The following MFGE8 variants were observed in gnomAD, a reference collection of about 807,000 sequenced individuals.
MFGE8 encodes lactadherin.
MFGE8 carries 34 observed loss-of-function variants against 42.6 expected under a neutral mutation model. The ratio of observed to expected loss-of-function variants is 0.80; its 90% CI spans 0.61 to 1.06. MFGE8 has a LOEUF of 1.06. Among genes scored for constraint, MFGE8 ranks in the 50% least tolerant of loss-of-function variants. MFGE8 has a pLI of 0.00. For synonymous variants in MFGE8, 230 were observed against 214.8 expected (o/e 1.07, Z -0.62); for missense variants, 510 against 516.9 (o/e 0.99, Z 0.13).
Position 88,913,292 on chromosome 15 carries a change from GCGCGGCCA to G in MFGE8, c.20_27del (p.Leu7ProfsTer50). ...GGGGCGCAGAGCAGCGCGCCGCACA[GCGCGGCCA>G]GCAGGCGGGGGCGCGGCATGCTGCG... On this transcript the variant is annotated frameshift_variant, in exon 1 of 8. Coordinates refer to ENST00000268150, the MANE Select transcript of MFGE8 (RefSeq NM_005928.4). LOFTEE classifies it high-confidence loss of function. The G allele has an allele frequency of 6.8e-7, 1 of 1,477,460 alleles. No individual in the cohort carries two copies. The allele number at this position is 1,477,460 out of a possible 1,614,324, so 91.5% of individuals were successfully genotyped here.
rs2141711536 is a variant in MFGE8, at chr15:88,906,669, C to T, written c.497G>A (p.Gly166Glu). 1.2e-6 allele frequency: 2 copies of T among 1,614,010 alleles called. No homozygotes were observed. The highest frequency in any genetic ancestry group is 2.2e-5 in the East Asian group (1 of 44,876). ...KAFKVAYSLN[G>E]HEFDFIHDVN... Reference sequence around the variant, plus strand: ...ATCATGGATGAAATCGAATTCGTGTCCATTAAGGCTGTAGGCCACCTTGAA... The same window carrying T: ...ATCATGGATGAAATCGAATTCGTGTTCATTAAGGCTGTAGGCCACCTTGAA... Residue 166 changes from glycine to glutamate, a missense_variant, in exon 4 of 8, where the codon GGA (glycine) becomes GAA (glutamate). Coordinates refer to ENST00000268150, the MANE Select transcript of MFGE8 (RefSeq NM_005928.4). The surrounding 1 kb of genome is among the most constrained non-coding windows in gnomAD (Gnocchi z 4.2).
intron 1 of MFGE8, chr15:88,910,260 G>T (rs1290747093): frequency 8.3e-6 from 3 of 362,098 alleles, no homozygotes; most frequent in South Asian, 4.4e-5. Flanking sequence ...GGCAGGCAAG[G>T]TCCAGGGCAG....
intron 6 of MFGE8, among the ~76,000 whole-genome samples, chr15:88,901,005 A>ACACACACACACATT (rs1898340196): frequency 4.3e-5 from 2 of 45,992 alleles, no homozygotes; most frequent in Non-Finnish European, 9.9e-5. Flanking sequence ...ACACACATTC[A>ACACACACACACATT]CACACACACA....
intron 1 of MFGE8, 92 bp downstream of exon 1, chr15:88,913,155 T>G: frequency 6.9e-7 from 1 of 1,445,604 alleles, no homozygotes; most frequent in African/African-American, 1.5e-5. Flanking sequence ...TCTAAGTTTG[T>G]CAACAGTGGA....
At chr15:88,901,517 A>AAACCACCAAAGCTGTCC in intron 6 of MFGE8, 34 bp downstream of exon 6, 1 of 1,072,616 alleles carries the variant, frequency 9.3e-7, no homozygotes, top group Non-Finnish European at 1.4e-6. Flanking sequence ...ATCCCACCCA[A>AAACCACCAAAGCTGTCC]CCCCAGCCCC....
chr15:88,913,214 G>C (rs1899051243), intron 1 of MFGE8, 33 bp downstream of exon 1: 5 of 1,492,104 alleles, frequency 3.4e-6, no homozygotes, highest in Non-Finnish European at 4.4e-6. Context: ...GGGGAGGAGG[G>C]GCGAGGGGCA....
chr15:88,906,440 G>A lies in MFGE8; in HGVS notation c.540+186C>T, dbSNP rs1267188167. ...GTCTCATCTCTAAAGTGGGACTATTGCTTATAAACCACAGAACATGGACAC... is the reference window on the plus strand; with the variant it reads ...GTCTCATCTCTAAAGTGGGACTATTACTTATAAACCACAGAACATGGACAC... On this transcript the variant is annotated intron_variant, in intron 4 of 7. Transcript: ENST00000268150. The surrounding 1 kb of genome is among the most constrained non-coding windows in gnomAD (Gnocchi z 4.2). 1.3e-5 allele frequency: 9 copies of A among 677,812 alleles called. No homozygotes were observed. Among genetic ancestry groups the A allele is most frequent in the Admixed American group, 2.2e-5 (1 of 45,928 alleles). 42.0% of individuals were successfully genotyped at this position (677,812 alleles called of 1,614,324 possible).
At chr15:88,908,727 C>T (rs1204027910) in intron 2 of MFGE8, among the ~76,000 whole-genome samples, 1 of 152,200 alleles carries the variant, frequency 6.6e-6, no homozygotes, top group African/African-American at 2.4e-5. Context: ...CCTTAGCAAC[C>T]CGTCCGCCAA....
At position 88,906,571 on chromosome 15, in the gene MFGE8, A is replaced by C. The variant is rs1898685932; in HGVS notation, c.540+55T>G. 4.4e-6 allele frequency: 7 copies of C among 1,608,198 alleles called. No individual in the cohort carries two copies. Among genetic ancestry groups the C allele is most frequent in the Non-Finnish European group, 6.0e-6 (7 of 1,175,260 alleles). Reference sequence around the variant, plus strand: ...TCGCTGGGGGTCCTCAGTCAATGCTAGAACCTTAGGGGGTATGGACCACAG... The same window carrying C: ...TCGCTGGGGGTCCTCAGTCAATGCTCGAACCTTAGGGGGTATGGACCACAG... On this transcript the variant is annotated intron_variant, in intron 4 of 7. Transcript: ENST00000268150. This position sits in a 1 kb window ranked among gnomAD's most constrained non-coding sequence, Gnocchi z 4.2.
chr15:88,906,619 G>C lies in MFGE8; in HGVS notation c.540+7C>G, dbSNP rs1238665664. 1.9e-6 allele frequency: 3 copies of C among 1,613,698 alleles called. No homozygotes were observed. The highest frequency in any genetic ancestry group is 2.5e-6 in the Non-Finnish European group (3 of 1,179,936). The stretch of plus-strand genomic sequence containing the variant: ...CAGCCCTTCTTTCGGGCCCCAACAA[G>C]ACCTACCTTGTGTTTTTTATTAACA... On this transcript the variant is annotated splice_region_variant and intron_variant, in intron 4 of 7. Coordinates refer to ENST00000268150, the MANE Select transcript of MFGE8 (RefSeq NM_005928.4). This position sits in a 1 kb window ranked among gnomAD's most constrained non-coding sequence, Gnocchi z 4.2.
At position 88,906,268 on chromosome 15, in the gene MFGE8, T is replaced by G; in HGVS notation, c.540+358A>C. The G allele has an allele frequency of 2.2e-6, 1 of 451,532 alleles. No individual in the cohort carries two copies. Among genetic ancestry groups the G allele is most frequent in the Non-Finnish European group, 4.1e-6 (1 of 243,768 alleles). 28.0% of individuals were successfully genotyped at this position (451,532 alleles called of 1,614,324 possible). Reference sequence around the variant, plus strand: ...TTCCACAAATGTACAATGCCTGTACTGTGAATGGTGCCTGCTTAGCAATGA... The same window carrying G: ...TTCCACAAATGTACAATGCCTGTACGGTGAATGGTGCCTGCTTAGCAATGA... On this transcript the variant is annotated intron_variant, in intron 4 of 7. Transcript: ENST00000268150. The surrounding 1 kb of genome is among the most constrained non-coding windows in gnomAD (Gnocchi z 4.2).
chr15:88,907,405 G>T (rs1216556299), intron 2 of MFGE8, 29 bp from the exon 3 acceptor site: 1 of 1,610,142 alleles, frequency 6.2e-7, no homozygotes, highest in Non-Finnish European at 8.5e-7. Context: ...CAGTCAGGTG[G>T]CTACCCCAGC....
At position 88,901,647 on chromosome 15, in the gene MFGE8, A is replaced by G. The variant is rs1898439314; in HGVS notation, c.774T>C (p.His258=). 1 of 1,613,646 alleles carries G rather than the reference A, an allele frequency of 6.2e-7. No homozygotes were observed. Among genetic ancestry groups the G allele is most frequent in the African/African-American group, 1.3e-5 (1 of 74,748 alleles). ...CATAGGAGGGGTTCCAGCTGAAGAG[A>G]TGCAAGCCCCAGGTCTTGTAGCTGC... ...ASSSYKTWGL[H]LFSWNPSYAR... Residue 258 remains histidine (H), a synonymous_variant, in exon 6 of 8, where the codon CAT becomes CAC. Coordinates refer to ENST00000268150, the MANE Select transcript of MFGE8 (RefSeq NM_005928.4).
intron 2 of MFGE8, among the ~76,000 whole-genome samples, chr15:88,909,122 A>G (rs1567024051): frequency 6.6e-6 from 1 of 152,216 alleles, no homozygotes; most frequent in Non-Finnish European, 1.5e-5. Context: ...GAGGGACTCC[A>G]GCTGGGCCTG....
At chr15:88,910,396 C>T (rs1596203728) in intron 1 of MFGE8, 2 of 254,208 alleles carry the variant, frequency 7.9e-6, no homozygotes, top group East Asian at 9.7e-5. Flanking sequence ...AGGTTGCAGT[C>T]ACAGATGTCA....
intron 2 of MFGE8, among the ~76,000 whole-genome samples, chr15:88,907,718 G>C (rs1404361689): frequency 5.0e-5 from 6 of 120,146 alleles, no homozygotes; most frequent in Non-Finnish European, 9.3e-5. Context: ...CCCCCCGCCA[G>C]GCTGTGGGAG....
rs1002475719 is a variant in MFGE8, at chr15:88,906,644, A to T, written c.522T>A (p.Asp174Glu). 2 of 1,613,898 alleles carry T rather than the reference A, an allele frequency of 1.2e-6. No individual in the cohort carries two copies. Among genetic ancestry groups the T allele is most frequent in the Non-Finnish European group, 1.7e-6 (2 of 1,179,994 alleles). Reference sequence around the variant, plus strand: ...GACCTACCTTGTGTTTTTTATTAACATCATGGATGAAATCGAATTCGTGTC... The same window carrying T: ...GACCTACCTTGTGTTTTTTATTAACTTCATGGATGAAATCGAATTCGTGTC... Reference protein sequence around the residue: ...LNGHEFDFIHDVNKKHKEFVG... With the variant: ...LNGHEFDFIHEVNKKHKEFVG... Residue 174 changes from aspartate (D) to glutamate (E), a missense_variant, in exon 4 of 8, where the codon GAT becomes GAA. By Grantham distance (45) the Asp-to-Glu change is conservative. Coordinates refer to ENST00000268150, the MANE Select transcript of MFGE8 (RefSeq NM_005928.4). This position sits in a 1 kb window ranked among gnomAD's most constrained non-coding sequence, Gnocchi z 4.2.
Position 88,907,285 on chromosome 15 carries a change from C to T in MFGE8, c.297G>A (p.Gln99=). The change falls in exon 3 of 8, where the codon CAG becomes CAA. Residue 99 remains glutamine, a synonymous_variant. Transcript: ENST00000268150. ...SSVRVTFLGL[Q]HWVPELARLN... ...GGCGGGCCAGCTCCGGGACCCAATG[C>T]TGCAAACCCAAGAAGGTCACACGCA... 2 of 1,614,212 alleles carry T rather than the reference C, an allele frequency of 1.2e-6. No homozygotes were observed. The highest frequency in any genetic ancestry group is 1.3e-5 in the African/African-American group (1 of 75,056).
At chr15:88,912,749 C>T in intron 1 of MFGE8, 1 of 985,430 alleles carries the variant, frequency 1.0e-6, no homozygotes, top group Non-Finnish European at 1.2e-6. Context: ...GACTCCCCGG[C>T]CCTTCCCTTA....
Sources: allele counts gnomAD v4.1 joint callset (sites outside exome capture counted in the v4.1 genomes callset), GRCh38; gene constraint gnomAD v4.1.1; non-coding constraint Gnocchi (gnomAD v3.1); transcripts MANE v1.5; gene names NCBI Gene and HGNC (gene_info 2026-07-23, HGNC 2026-07-21).